Variants in ZC3H14 observed in about 807,000 individuals in gnomAD.
ZC3H14 encodes the protein zinc finger CCCH-type containing 14.
In ZC3H14, 31 loss-of-function variants were observed where a neutral mutation model predicts 92.4. That is an observed-to-expected ratio of 0.34 (90% CI 0.25 to 0.45). ZC3H14 has a LOEUF of 0.45. Among genes scored for constraint, ZC3H14 ranks in the 20% least tolerant of loss-of-function variants. The pLI, the probability that ZC3H14 is intolerant of heterozygous loss-of-function variation, is 1.00. For missense variants in ZC3H14, 781 were observed against 897.3 expected (o/e 0.87, Z 1.66); for synonymous variants, 321 against 300.9 (o/e 1.07, Z -0.69).
chr14:88,610,063 T>G (rs149757106), intron 15 of ZC3H14, among the ~76,000 whole-genome samples: 2,206 of 152,280 alleles, frequency 0.014, 60 homozygotes, highest in African/African-American at 0.051. Flanking sequence ...ATTCCCTGCA[T>G]TTAAGTATAT....
At position 88,625,140 on chromosome 14, in the gene ZC3H14, G is replaced by T. The variant is rs1361685382; in HGVS notation, c.*13389G>T. The stretch of plus-strand genomic sequence containing the variant: ...ACGTCAAGTTATTCTGAAAAGGAGT[G>T]GGGGAGGGGGAGACAAACTCATCAA... On this transcript the variant is annotated 3_prime_UTR_variant, in exon 17 of 17. Transcript: ENST00000251038. 2 of 1,612,528 alleles carry T rather than the reference G, an allele frequency of 1.2e-6. No homozygotes were observed. The highest frequency in any genetic ancestry group is 1.7e-5 in the Admixed American group (1 of 59,776).
At chr14:88,575,662 G>A (rs1465328851) in intron 7 of ZC3H14, among the ~76,000 whole-genome samples, 178 bp from the exon 8 acceptor site, 2 of 151,984 alleles carry the variant, frequency 1.3e-5, no homozygotes, top group Non-Finnish European at 2.9e-5. Flanking sequence ...TCCTGGGTGA[G>A]AGAGTAAGAG....
intron 10 of ZC3H14, among the ~76,000 whole-genome samples, chr14:88,600,265 C>T (rs1227618131): frequency 2.6e-5 from 4 of 152,222 alleles, no homozygotes; most frequent in Admixed American, 2.0e-4. Context: ...GTCTTCTCTT[C>T]CTGTCAGGTG....
intron 9 of ZC3H14, among the ~76,000 whole-genome samples, chr14:88,583,712 T>C (rs1252045431): frequency 6.6e-6 from 1 of 152,180 alleles, no homozygotes; most frequent in Non-Finnish European, 1.5e-5. Flanking sequence ...TTTTTGAAAA[T>C]TGTTAACACT....
chr14:88,586,880 C>T (rs778856136), intron 9 of ZC3H14: 1 of 152,168 alleles, frequency 6.6e-6, no homozygotes, highest in Non-Finnish European at 1.5e-5. Flanking sequence ...TAGTCCCACT[C>T]CGCAGAATCC....
chr14:88,622,943 C>T lies in ZC3H14; in HGVS notation c.*11192C>T, dbSNP rs200473832. 1.8e-5 allele frequency: 7 copies of T among 389,052 alleles called. No individual in the cohort carries two copies. The East Asian group carries it at 2.5e-4, about 14-fold the overall frequency. The allele number at this position is 389,052 out of a possible 1,614,324, so 24.1% of individuals were successfully genotyped here. A position where few individuals can be genotyped will look rare whatever the true frequency, so the allele number is the denominator to read the frequency against. ...AGTGAATTTTATTTTGAGAAATACT[C>T]TTTTTTTCTGACATGAGCATAATTT... On this transcript the variant is annotated 3_prime_UTR_variant, in exon 17 of 17. Transcript: ENST00000251038.
At chr14:88,593,910 A>G (rs1394646156) in intron 9 of ZC3H14, among the ~76,000 whole-genome samples, 4 of 152,092 alleles carry the variant, frequency 2.6e-5, no homozygotes, top group Admixed American at 6.5e-5. Context: ...AAAAAAAGAC[A>G]ACAAAATGGG....
Position 88,620,934 on chromosome 14 carries a change from T to TAAAAA in ZC3H14, c.*9196_*9200dup, listed in dbSNP as rs35953031. The TAAAAA allele has an allele frequency of 9.5e-6, 13 of 1,372,424 alleles. No individual in the cohort carries two copies. The African/African-American group carries it at 1.4e-4, about 15-fold the overall frequency. 85.0% of individuals were successfully genotyped at this position (1,372,424 alleles called of 1,614,324 possible). A position where few individuals can be genotyped will look rare whatever the true frequency, so the allele number is the denominator to read the frequency against. On this transcript the variant is annotated 3_prime_UTR_variant, in exon 17 of 17. Transcript: ENST00000251038. The surrounding 1 kb of genome is among the most constrained non-coding windows in gnomAD (Gnocchi z 4.3). The stretch of plus-strand genomic sequence containing the variant: ...CACTTTGTTTAACATCTTCTGCATT[T>TAAAAA]AAAAAAAAAAAAAAAAAGAGTCATA...
At position 88,619,452 on chromosome 14, in the gene ZC3H14, C is replaced by A. The variant is rs905650550; in HGVS notation, c.*7701C>A. ...ACTCCTGGCCTCAAGCAATCCTTCCCCCTTGGCCTCCCAAGGTACTGGGAT... is the reference window on the plus strand; with the variant it reads ...ACTCCTGGCCTCAAGCAATCCTTCCACCTTGGCCTCCCAAGGTACTGGGAT... On this transcript the variant is annotated 3_prime_UTR_variant, in exon 17 of 17. Transcript: ENST00000251038. The A allele has an allele frequency of 6.6e-6, 1 of 152,280 alleles. No homozygotes were observed. The highest frequency in any genetic ancestry group is 2.4e-5 in the African/African-American group (1 of 41,448). The allele number at this position is 152,280 out of a possible 1,614,324, so 9.4% of individuals were successfully genotyped here. A position where few individuals can be genotyped will look rare whatever the true frequency, so the allele number is the denominator to read the frequency against.
At position 88,618,062 on chromosome 14, in the gene ZC3H14, T is replaced by G; in HGVS notation, c.*6311T>G. On this transcript the variant is annotated 3_prime_UTR_variant, in exon 17 of 17. Transcript: ENST00000251038. ...AAACTGATAAAACATGGAAATATAT[T>G]CAATAAAAAGGGGTCCCAACATGAA... is the stretch of plus-strand genomic sequence containing the variant. The G allele has an allele frequency of 2.3e-6, 1 of 439,484 alleles. No individual in the cohort carries two copies. The highest frequency in any genetic ancestry group is 4.0e-6 in the Non-Finnish European group (1 of 251,520). The allele number at this position is 439,484 out of a possible 1,614,324, so 27.2% of individuals were successfully genotyped here.
At chr14:88,579,484 T>C (rs960870963) in intron 9 of ZC3H14, among the ~76,000 whole-genome samples, 1 of 151,974 alleles carries the variant, frequency 6.6e-6, no homozygotes, top group African/African-American at 2.4e-5. Context: ...CCCTGTGGAG[T>C]CTGTAGTGTG....
At chr14:88,574,395 G>A in intron 6 of ZC3H14, 1 of 355,040 alleles carries the variant, frequency 2.8e-6, no homozygotes, top group South Asian at 2.3e-5. Flanking sequence ...ACAGGCACAT[G>A]CCGCCACGCT....
rs148480033 is a variant in ZC3H14, at chr14:88,578,111, C to T, written c.1250C>T (p.Thr417Ile). 5 of 1,613,832 alleles carry T rather than the reference C, an allele frequency of 3.1e-6. No individual in the cohort carries two copies. Among genetic ancestry groups the T allele is most frequent in the Non-Finnish European group, 4.2e-6 (5 of 1,179,960 alleles). ...RISPPIKEEE[T>I]KGDSVEKNQG... ...AGTCCCCCCATTAAAGAAGAGGAAA[C>T]AAAAGGAGATTCTGTAGAAAAAAAT... is the stretch of plus-strand genomic sequence containing the variant. Residue 417 changes from threonine (T) to isoleucine (I), a missense_variant, in exon 9 of 17, where the codon ACA becomes ATA. By Grantham distance (89) the Thr-to-Ile change is moderately conservative. This residue lies in a region of ZC3H14 where 454 missense variants were observed against 438.5 expected (regional missense o/e 1.04). Coordinates refer to ENST00000251038, the MANE Select transcript of ZC3H14 (RefSeq NM_024824.5).
rs765952393 is a variant in ZC3H14, at chr14:88,587,655, A to G, written c.1280-9079A>G. ...AGTAAGCATTTACACTGTTAAGACTATTTAGTCTGGGCATGGTTGGTGGCT... is the reference window on the plus strand; with the variant it reads ...AGTAAGCATTTACACTGTTAAGACTGTTTAGTCTGGGCATGGTTGGTGGCT... On this transcript the variant is annotated intron_variant, in intron 9 of 16. Transcript: ENST00000251038. 6.6e-5 allele frequency among the ~76,000 whole-genome samples: 10 copies of G among 152,232 alleles called. 1 individual carries two copies. Among genetic ancestry groups the G allele is most frequent in the South Asian group, 4.1e-4 (2 of 4,820 alleles).
chr14:88,599,688 A>G (rs925428020), intron 10 of ZC3H14, among the ~76,000 whole-genome samples: 7 of 152,066 alleles, frequency 4.6e-5, no homozygotes, highest in African/African-American at 1.7e-4. Context: ...CATCTCCTCC[A>G]TTCCTCCTCA....
rs1003885164 is a variant in ZC3H14, at chr14:88,622,458, G to A, written c.*10707G>A. On this transcript the variant is annotated 3_prime_UTR_variant, in exon 17 of 17. Transcript: ENST00000251038. ...ACTGGTGCTAACTTTGGCAAAGAAA[G>A]CAGCAAAGACAGAGTAATGTTGGCA... is the stretch of plus-strand genomic sequence containing the variant. 1 of 580,266 alleles carries A rather than the reference G, an allele frequency of 1.7e-6. No homozygotes were observed. The highest frequency in any genetic ancestry group is 2.7e-6 in the Non-Finnish European group (1 of 368,926). 35.9% of individuals were successfully genotyped at this position (580,266 alleles called of 1,614,324 possible).
intron 2 of ZC3H14, among the ~76,000 whole-genome samples, chr14:88,567,124 A>ATTTATTTAT (rs142510062): frequency 6.9e-6 from 1 of 145,238 alleles, no homozygotes; most frequent in Non-Finnish European, 1.5e-5. Flanking sequence ...TTATTTATTT[A>ATTTATTTAT]TTTTTTTTTG....
chr14:88,582,026 CGTG>C (rs2139758547), intron 9 of ZC3H14, among the ~76,000 whole-genome samples: 1 of 152,276 alleles, frequency 6.6e-6, no homozygotes, highest in South Asian at 2.1e-4. Flanking sequence ...ATGTATTGTC[CGTG>C]GCTACTTTCA....
Position 88,615,080 on chromosome 14 carries a change from T to C in ZC3H14, c.*3329T>C, listed in dbSNP as rs2087379822. ...GATTGTTCATCATACTACTTTTCCA[T>C]TAGTGAGGCTACAGTTATGTTTTAA... On this transcript the variant is annotated 3_prime_UTR_variant, in exon 17 of 17. Coordinates refer to ENST00000251038, the MANE Select transcript of ZC3H14 (RefSeq NM_024824.5). 1 of 152,194 alleles carries C rather than the reference T, an allele frequency of 6.6e-6. No homozygotes were observed. Among genetic ancestry groups the C allele is most frequent in the South Asian group, 2.1e-4 (1 of 4,828 alleles). 9.4% of individuals were successfully genotyped at this position (152,194 alleles called of 1,614,324 possible). A position where few individuals can be genotyped will look rare whatever the true frequency, so the allele number is the denominator to read the frequency against.
Sources: gnomAD v4.1 joint callset for allele counts (sites outside exome capture counted in the v4.1 genomes callset) on GRCh38, gnomAD v4.1.1 for gene constraint, gnomAD v4.1.1 regional missense constraint, Gnocchi (gnomAD v3.1) non-coding constraint, MANE v1.5 for transcripts, NCBI Gene and HGNC (gene_info 2026-07-23, HGNC 2026-07-21) for gene names.